Variants in RPTOR observed in about 807,000 individuals in gnomAD.
RPTOR encodes the protein regulatory-associated protein of mTOR.
RPTOR carries 21 observed loss-of-function variants against 169.9 expected under a neutral mutation model. The observed-to-expected ratio is 0.12, with a 90% CI of 0.09 to 0.18. RPTOR has a LOEUF of 0.18. Ranked by LOEUF, RPTOR falls within the 10% of genes least tolerant of loss-of-function variation. The pLI is 1.00. For synonymous variants in RPTOR, 732 were observed against 753.2 expected, an observed-to-expected ratio of 0.97 and a Z score of 0.46; for missense variants, 1,133 against 1,855.9, an observed-to-expected ratio of 0.61 and a Z score of 7.16.
At chr17:80,745,589 T>G (rs2066564849) in intron 5 of RPTOR, among the ~76,000 whole-genome samples, 1 of 152,234 alleles carries the variant, frequency 6.6e-6, no homozygotes, top group Non-Finnish European at 1.5e-5. Flanking sequence ...CATTAATATC[T>G]TTGACTATTA....
intron 7 of RPTOR, among the ~76,000 whole-genome samples, chr17:80,794,582 A>C (rs1165412561): frequency 6.6e-6 from 1 of 152,178 alleles, no homozygotes; most frequent in African/African-American, 2.4e-5. Context: ...GAAGAGGGAA[A>C]TCTTAGGATC....
intron 1 of RPTOR, among the ~76,000 whole-genome samples, chr17:80,617,199 A>G (rs777419054): frequency 1.3e-5 from 2 of 152,220 alleles, no homozygotes; most frequent in Non-Finnish European, 2.9e-5. Context: ...AGAATCACTC[A>G]TGACATCTTG....
chr17:80,921,721 C>T (rs1342145423), intron 21 of RPTOR, among the ~76,000 whole-genome samples: 2 of 152,216 alleles, frequency 1.3e-5, no homozygotes, highest in African/African-American at 2.4e-5. Context: ...GCTTCATCCA[C>T]AGACGGCTGG....
intron 9 of RPTOR, among the ~76,000 whole-genome samples, chr17:80,833,318 G>A (rs1327664850): frequency 6.6e-6 from 1 of 152,182 alleles, no homozygotes; most frequent in Non-Finnish European, 1.5e-5. Flanking sequence ...CTGCTGGGGG[G>A]GAGGAGCCCA....
chr17:80,682,114 C>CT (rs147403359), intron 3 of RPTOR, among the ~76,000 whole-genome samples: 4 of 84,880 alleles, frequency 4.7e-5, no homozygotes, highest in Non-Finnish European at 1.0e-4. Flanking sequence ...AGGTCCCCCC[C>CT]CCCACCCCAA....
Position 80,844,218 on chromosome 17 carries a change from G to A in RPTOR, c.1213-2255G>A. Among the ~76,000 whole-genome samples the A allele has an allele frequency of 6.6e-6, 1 of 152,204 alleles. No individual in the cohort carries two copies. Among genetic ancestry groups the A allele is most frequent in the East Asian group, 1.9e-4 (1 of 5,200 alleles). On this transcript the variant is annotated intron_variant, in intron 10 of 33. Coordinates refer to ENST00000306801, the MANE Select transcript of RPTOR (RefSeq NM_020761.3). This position sits in a 1 kb window ranked among gnomAD's most constrained non-coding sequence, Gnocchi z 4.7. ...CGCAGGCGCTTGCTCTAATTCGTCA[G>A]CCTCCCCGTGGCTTTAGGGAGCTTC...
intron 10 of RPTOR, among the ~76,000 whole-genome samples, chr17:80,839,975 G>T (rs940195660): frequency 2.0e-5 from 3 of 152,122 alleles, no homozygotes; most frequent in African/African-American, 4.8e-5. Flanking sequence ...GGACAAGCCG[G>T]GGATAACTGA....
At chr17:80,742,628 C>T (rs1483432421) in intron 5 of RPTOR, among the ~76,000 whole-genome samples, 8 of 151,804 alleles carry the variant, frequency 5.3e-5, no homozygotes, top group Non-Finnish European at 1.0e-4. Context: ...TACACACGCA[C>T]ATATACATAC....
At chr17:80,549,177 T>G (rs1396419778) in intron 1 of RPTOR, among the ~76,000 whole-genome samples, 1 of 152,246 alleles carries the variant, frequency 6.6e-6, no homozygotes, top group Non-Finnish European at 1.5e-5. Context: ...TCTAAGTTAC[T>G]GTTACTTTAA....
intron 1 of RPTOR, among the ~76,000 whole-genome samples, chr17:80,556,601 T>G (rs927445961): frequency 7.9e-5 from 12 of 152,048 alleles, no homozygotes. Context: ...TCCTACTGAT[T>G]TGAAGAAGGT....
At chr17:80,740,480 AG>A (rs750515893) in intron 5 of RPTOR, among the ~76,000 whole-genome samples, 8 of 152,256 alleles carry the variant, frequency 5.3e-5, no homozygotes, top group Admixed American at 2.0e-4. Flanking sequence ...AATAAAAAAC[AG>A]CAAACCAATA....
intron 23 of RPTOR, chr17:80,924,034 T>C: frequency 3.1e-6 from 1 of 325,332 alleles, no homozygotes; most frequent in Non-Finnish European, 5.7e-6. Flanking sequence ...CTGCCCTTCC[T>C]GGGCACACAG....
At position 80,668,434 on chromosome 17, in the gene RPTOR, A is replaced by G. The variant is rs1181281641; in HGVS notation, c.348+24624A>G. ...AGAAAGGCCTTTGATAGGTGGCCGC[A>G]GGAGGTCTTCGCGCCCTGTCCCCTC... On this transcript the variant is annotated intron_variant, in intron 3 of 33. Coordinates refer to ENST00000306801, the MANE Select transcript of RPTOR (RefSeq NM_020761.3). Among the ~76,000 whole-genome samples, 7 of 152,322 alleles carry G rather than the reference A, an allele frequency of 4.6e-5. 1 individual carries two copies. In the South Asian group the frequency reaches 1.2e-3, roughly 27 times the overall value.
intron 11 of RPTOR, among the ~76,000 whole-genome samples, chr17:80,846,817 T>C (rs1318724971): frequency 6.6e-6 from 1 of 152,254 alleles, no homozygotes; most frequent in African/African-American, 2.4e-5. Flanking sequence ...TCTAAAGCCA[T>C]TGATTTCCCT....
intron 5 of RPTOR, among the ~76,000 whole-genome samples, chr17:80,751,857 G>A (rs1042353549): frequency 1.1e-4 from 16 of 152,182 alleles, no homozygotes; most frequent in African/African-American, 2.7e-4. Flanking sequence ...CCACGACCCC[G>A]CATTAGCAGG....
chr17:80,778,740 C>T (rs982245172), intron 6 of RPTOR, among the ~76,000 whole-genome samples: 2 of 152,104 alleles, frequency 1.3e-5, no homozygotes, highest in Non-Finnish European at 2.9e-5. Flanking sequence ...TCACCACTAC[C>T]GTGAGCTGAG....
intron 13 of RPTOR, among the ~76,000 whole-genome samples, chr17:80,865,548 A>G (rs1168968079): frequency 3.3e-5 from 5 of 152,202 alleles, no homozygotes; most frequent in African/African-American, 9.7e-5. Context: ...GTTGCTAACA[A>G]TAAAGATAGA....
chr17:80,817,030 C>T (rs1598326573), intron 7 of RPTOR, among the ~76,000 whole-genome samples: 1 of 152,216 alleles, frequency 6.6e-6, no homozygotes, highest in East Asian at 1.9e-4. Flanking sequence ...AACATAAGAC[C>T]TGCCTGGCGT....
chr17:80,605,414 G>A (rs1219196649), intron 1 of RPTOR, among the ~76,000 whole-genome samples: 4 of 152,162 alleles, frequency 2.6e-5, no homozygotes, highest in Non-Finnish European at 4.4e-5. Context: ...CAGGTGATAC[G>A]TGAGAGTCAG....
Sources: allele counts gnomAD v4.1 joint callset (sites outside exome capture counted in the v4.1 genomes callset), GRCh38; gene constraint gnomAD v4.1.1; non-coding constraint Gnocchi (gnomAD v3.1); transcripts MANE v1.5; gene names NCBI Gene and HGNC (gene_info 2026-07-23, HGNC 2026-07-21).